HS3ST4: variants seen among roughly 807,000 people sequenced by gnomAD.
The protein encoded by HS3ST4 is heparan sulfate glucosamine 3-O-sulfotransferase 4.
Under a neutral mutation model 29.2 loss-of-function variants are expected in HS3ST4, and 17 were observed. The observed-to-expected ratio is 0.58, with a 90% CI of 0.40 to 0.87. The LOEUF (loss-of-function observed/expected upper bound fraction) is 0.87, where lower values mean the gene tolerates loss of function less well. HS3ST4 is among the 40% of genes least tolerant of loss of function. HS3ST4 has a pLI of 0.00. For synonymous variants in HS3ST4, 314 were observed against 285.7 expected, an observed-to-expected ratio of 1.10 and a Z score of -1.00; for missense variants, 627 against 634.5, an observed-to-expected ratio of 0.99 and a Z score of 0.13.
chr16:25,937,660 C>A (rs1245494000), intron 1 of HS3ST4, among the ~76,000 whole-genome samples: 2 of 152,084 alleles, frequency 1.3e-5, no homozygotes, highest in Non-Finnish European at 2.9e-5. Flanking sequence ...TGAGGACTTT[C>A]CAGAGTATGC....
At chr16:25,855,306 G>A (rs1316896724) in intron 1 of HS3ST4, among the ~76,000 whole-genome samples, 1 of 152,096 alleles carries the variant, frequency 6.6e-6, no homozygotes, top group Non-Finnish European at 1.5e-5. Flanking sequence ...GAGAATAGGT[G>A]GTAAATGTCT....
At chr16:25,964,089 C>T (rs1373152915) in intron 1 of HS3ST4, among the ~76,000 whole-genome samples, 1 of 151,568 alleles carries the variant, frequency 6.6e-6, no homozygotes, top group East Asian at 1.9e-4. Flanking sequence ...ACAGGAGAAT[C>T]ACTTGAACCC....
chr16:26,121,859 TTGAG>T (rs1899281018), intron 1 of HS3ST4, among the ~76,000 whole-genome samples: 1 of 152,198 alleles, frequency 6.6e-6, no homozygotes, highest in Admixed American at 6.5e-5. Flanking sequence ...GGGGCACTCT[TTGAG>T]TGTTTATGAA....
In HS3ST4 at chr16:26,022,514, G is replaced by A. The variant is rs187610960; in HGVS notation, c.735-113098G>A. Among the ~76,000 whole-genome samples the A allele has an allele frequency of 2.3e-4, 35 of 152,224 alleles. 3 individuals are homozygous for A. Among genetic ancestry groups the A allele is most frequent in the East Asian group, 1.7e-3 (9 of 5,170 alleles). ...CAAACATTTTAAGCTTTGTGGTCCAGGAGGCCACCTGCTCTACCTTTGTAG... is the reference window on the plus strand; with the variant it reads ...CAAACATTTTAAGCTTTGTGGTCCAAGAGGCCACCTGCTCTACCTTTGTAG... On this transcript the variant is annotated intron_variant, in intron 1 of 1. Transcript: ENST00000331351.
At chr16:25,829,601 G>A (rs947065472) in intron 1 of HS3ST4, among the ~76,000 whole-genome samples, 1 of 151,958 alleles carries the variant, frequency 6.6e-6, no homozygotes, top group African/African-American at 2.4e-5. Flanking sequence ...GCCCCGGTGT[G>A]TGATGTTCCC....
intron 1 of HS3ST4, among the ~76,000 whole-genome samples, chr16:25,898,326 T>A (rs1968090927): frequency 6.6e-6 from 1 of 152,260 alleles, no homozygotes; most frequent in African/African-American, 2.4e-5. Flanking sequence ...GCTCCTTGCA[T>A]GTCATCTACT....
intron 1 of HS3ST4, among the ~76,000 whole-genome samples, chr16:25,895,141 ATGTG>A (rs61699119): frequency 1.3e-4 from 19 of 148,550 alleles, no homozygotes; most frequent in East Asian, 6.0e-4. Context: ...GTGAGGCAGG[ATGTG>A]TGTGTGTGTG....
At chr16:26,134,362 C>CTTTTCTTTTCTTTT (rs750289979) in intron 1 of HS3ST4, among the ~76,000 whole-genome samples, 135 of 76,742 alleles carry the variant, frequency 1.8e-3, no homozygotes, top group African/African-American at 5.9e-3. Flanking sequence ...CTTTTCTTTT[C>CTTTTCTTTTCTTTT]TTTTTTTTTT....
At chr16:25,934,081 A>G (rs1431706509) in intron 1 of HS3ST4, among the ~76,000 whole-genome samples, 3 of 152,178 alleles carry the variant, frequency 2.0e-5, no homozygotes, top group Admixed American at 6.5e-5. Context: ...CCCTTGATAA[A>G]TCTTGGGAGG....
Position 25,738,833 on chromosome 16 carries a change from T to C in HS3ST4, c.734+45682T>C, listed in dbSNP as rs1966631002. 6.6e-5 allele frequency among the ~76,000 whole-genome samples: 10 copies of C among 152,292 alleles called. No individual in the cohort carries two copies. The South Asian group carries it at 2.1e-3, about 32-fold the overall frequency. ...TTTGTCCCAGAACCATACTCTCTGA[T>C]TACTGTAGCTTTGTAATATAACTTG... On this transcript the variant is annotated intron_variant, in intron 1 of 1. Transcript: ENST00000331351.
chr16:26,125,292 T>TG (rs1899326710), intron 1 of HS3ST4, among the ~76,000 whole-genome samples: 1 of 151,874 alleles, frequency 6.6e-6, no homozygotes, highest in African/African-American at 2.4e-5. Flanking sequence ...GGGGGTGGGG[T>TG]GGGGATGGTT....
intron 1 of HS3ST4, among the ~76,000 whole-genome samples, chr16:25,820,642 C>T (rs188925014): frequency 8.6e-5 from 13 of 151,520 alleles, no homozygotes; most frequent in East Asian, 1.9e-4. Context: ...TTTATGTTGC[C>T]GAGGCTGGTT....
intron 1 of HS3ST4, among the ~76,000 whole-genome samples, chr16:25,710,881 A>G (rs1348065905): frequency 7.0e-6 from 1 of 142,154 alleles, no homozygotes; most frequent in Non-Finnish European, 1.5e-5. Flanking sequence ...CAGTGGCTCA[A>G]TCATAGCTCA....
chr16:25,696,585 G>A (rs1161563632), intron 1 of HS3ST4, among the ~76,000 whole-genome samples: 5 of 151,834 alleles, frequency 3.3e-5, no homozygotes, highest in East Asian at 3.9e-4. Flanking sequence ...TGCAACCTCC[G>A]CCTCCCGGAT....
intron 1 of HS3ST4, among the ~76,000 whole-genome samples, chr16:25,971,128 G>A (rs1035328084): frequency 1.5e-4 from 23 of 152,144 alleles, no homozygotes; most frequent in Admixed American, 9.8e-4. Flanking sequence ...TGGGATTACA[G>A]GTGTGAGCCA....
chr16:25,910,410 G>A lies in HS3ST4; in HGVS notation c.734+217259G>A, dbSNP rs564916052. Among the ~76,000 whole-genome samples, 162 of 152,250 alleles carry A rather than the reference G, an allele frequency of 1.1e-3. 1 individual carries two copies. Among genetic ancestry groups the A allele is most frequent in the African/African-American group, 3.8e-3 (159 of 41,552 alleles). On this transcript the variant is annotated intron_variant, in intron 1 of 1. Coordinates refer to ENST00000331351, the MANE Select transcript of HS3ST4 (RefSeq NM_006040.3). ...AATCCCAGCACTTTGGGAGGCCGAG[G>A]CGGGCAGATCACCTGAGGTCAGGAG...
Position 25,692,479 on chromosome 16 carries a change from C to A in HS3ST4, c.62C>A (p.Pro21Gln). ...PPPPPPLAAP[P>Q]PPGASAKGPP... ...CCGCCTCCACCTCTGGCCGCGCCGC[C>A]GCCGCCCGGCGCCTCTGCTAAGGGG... The change falls in exon 1 of 2, where the codon CCG (proline) becomes CAG (glutamine). Residue 21 changes from proline to glutamine, a missense_variant. Around this residue, in one of 2 missense-constraint regions of HS3ST4, gnomAD observed 402 missense variants for 340.8 expected, o/e 1.18. Transcript: ENST00000331351. 1 of 1,374,182 alleles carries A rather than the reference C, an allele frequency of 7.3e-7. No individual in the cohort carries two copies. The highest frequency in any genetic ancestry group is 9.5e-7 in the Non-Finnish European group (1 of 1,050,286). 85.1% of individuals were successfully genotyped at this position (1,374,182 alleles called of 1,614,324 possible).
At chr16:25,777,954 C>T (rs965163943) in intron 1 of HS3ST4, among the ~76,000 whole-genome samples, 2 of 152,022 alleles carry the variant, frequency 1.3e-5, no homozygotes, top group African/African-American at 2.4e-5. Context: ...TAGATAGACA[C>T]ACATGGTGTA....
intron 1 of HS3ST4, among the ~76,000 whole-genome samples, chr16:25,939,573 A>C (rs1968553172): frequency 6.6e-6 from 1 of 152,096 alleles, no homozygotes; most frequent in African/African-American, 2.4e-5. Context: ...TCCCAACCTC[A>C]GATGATCCGC....
Sources: allele counts gnomAD v4.1 joint callset (sites outside exome capture counted in the v4.1 genomes callset), GRCh38; gene constraint gnomAD v4.1.1; regional missense constraint gnomAD v4.1.1; transcripts MANE v1.5; gene names NCBI Gene and HGNC (gene_info 2026-07-23, HGNC 2026-07-21).